Variants in HECW1 observed in about 807,000 individuals in gnomAD.
The protein encoded by HECW1 is HECT, C2 and WW domain containing E3 ubiquitin protein ligase 1, also known as E3 ubiquitin-protein ligase HECW1.
HECW1 carries 61 observed loss-of-function variants against 182.3 expected under a neutral mutation model. That is an observed-to-expected ratio of 0.33 (90% CI 0.27 to 0.41). HECW1 has a LOEUF of 0.41. Ranked by LOEUF, HECW1 falls within the 10% of genes least tolerant of loss-of-function variation. The pLI, the probability that HECW1 is intolerant of heterozygous loss-of-function variation, is 1.00. For synonymous variants in HECW1, 859 were observed against 832.6 expected (o/e 1.03, Z -0.55); for missense variants, 1,739 against 2,108.9 (o/e 0.82, Z 3.44).
intron 24 of HECW1, among the ~76,000 whole-genome samples, chr7:43,517,340 C>A (rs1239168585): frequency 6.6e-6 from 1 of 151,372 alleles, no homozygotes; most frequent in Non-Finnish European, 1.5e-5. Flanking sequence ...GACTCCCCTG[C>A]CCCCTTCTGC....
intron 3 of HECW1, among the ~76,000 whole-genome samples, chr7:43,294,444 A>G (rs1805790225): frequency 6.6e-6 from 1 of 152,176 alleles, no homozygotes; most frequent in Non-Finnish European, 1.5e-5. Flanking sequence ...GAAGTGACTC[A>G]GCCTCCCAGG....
intron 2 of HECW1, among the ~76,000 whole-genome samples, chr7:43,222,415 T>A (rs190175723): frequency 6.6e-6 from 1 of 152,206 alleles, no homozygotes; most frequent in South Asian, 2.1e-4. Flanking sequence ...CAGAAGGTAC[T>A]TTGTATAAGA....
At chr7:43,233,134 T>G (rs1798026391) in intron 2 of HECW1, among the ~76,000 whole-genome samples, 1 of 152,172 alleles carries the variant, frequency 6.6e-6, no homozygotes, top group Non-Finnish European at 1.5e-5. Context: ...GAACCTCTAT[T>G]TCTATGTTCA....
chr7:43,239,110 C>T (rs1387047791), intron 2 of HECW1: 2 of 152,158 alleles, frequency 1.3e-5, no homozygotes, highest in Non-Finnish European at 2.9e-5. Context: ...CAACGTGAGA[C>T]CAGACGGCCA....
chr7:43,511,894 G>A, intron 24 of HECW1: 1 of 186,056 alleles, frequency 5.4e-6, no homozygotes. Flanking sequence ...CTGGCAGTGT[G>A]TGGGTGCTGT....
intron 8 of HECW1, among the ~76,000 whole-genome samples, chr7:43,423,075 A>G (rs1050751869): frequency 6.6e-6 from 1 of 152,260 alleles, no homozygotes; most frequent in Non-Finnish European, 1.5e-5. Context: ...AGATAATTTA[A>G]TCAGACATTA....
chr7:43,407,283 C>T lies in HECW1; in HGVS notation c.632-279C>T, dbSNP rs540931988. ...CTTACTCAGTGAGGCCCACATATAT[C>T]GTGAGACTACAACCCCTATTTTTTT... On this transcript the variant is annotated intron_variant, in intron 7 of 29. Coordinates refer to ENST00000395891, the MANE Select transcript of HECW1 (RefSeq NM_015052.5). Among the ~76,000 whole-genome samples, 18 of 152,232 alleles carry T rather than the reference C, an allele frequency of 1.2e-4. No homozygotes were observed. In the South Asian group the frequency reaches 2.1e-3, roughly 18 times the overall value.
chr7:43,459,544 T>C (rs1306151750), intron 13 of HECW1, among the ~76,000 whole-genome samples: 1 of 136,950 alleles, frequency 7.3e-6, no homozygotes, highest in African/African-American at 2.8e-5. Flanking sequence ...GATGATTTAG[T>C]TTTTTTTTTT....
intron 24 of HECW1, among the ~76,000 whole-genome samples, chr7:43,534,005 T>A (rs915188359): frequency 6.6e-6 from 1 of 152,116 alleles, no homozygotes; most frequent in Non-Finnish European, 1.5e-5. Context: ...CTTGAATCAA[T>A]CCTTAGCAGC....
rs76626240 is a variant in HECW1, at chr7:43,334,678, G to A, written c.460+13936G>A. Reference sequence around the variant, plus strand: ...AAAGAAAAAGGAGAAAGTCATCCTTGTTTTATTGTCATTAGAATGAATGTC... The same window carrying A: ...AAAGAAAAAGGAGAAAGTCATCCTTATTTTATTGTCATTAGAATGAATGTC... On this transcript the variant is annotated intron_variant, in intron 5 of 29. Transcript: ENST00000395891. Among the ~76,000 whole-genome samples, 47 of 152,292 alleles carry A rather than the reference G, an allele frequency of 3.1e-4. No individual in the cohort carries two copies. In the East Asian group the frequency reaches 9.1e-3, roughly 29 times the overall value.
At chr7:43,394,086 G>A (rs1460531120) in intron 6 of HECW1, among the ~76,000 whole-genome samples, 1 of 152,210 alleles carries the variant, frequency 6.6e-6, no homozygotes, top group Non-Finnish European at 1.5e-5. Context: ...TCCTGGTGGT[G>A]CAGTATAGCA....
At position 43,376,608 on chromosome 7, in the gene HECW1, T is replaced by G. The variant is rs140247221; in HGVS notation, c.555+15628T>G. On this transcript the variant is annotated intron_variant, in intron 6 of 29. Transcript: ENST00000395891. ...AGCTCGGCACAGTGGCTTACACCTA[T>G]AATCCCAGCACTTTGGGAGGCCTAG... is the stretch of plus-strand genomic sequence containing the variant. 8.4e-3 allele frequency among the ~76,000 whole-genome samples: 1,282 copies of G among 152,336 alleles called. 9 individuals carry two copies. Among genetic ancestry groups the G allele is most frequent in the Non-Finnish European group, 0.01 (701 of 68,022 alleles).
At chr7:43,209,487 T>C (rs1239739437) in intron 2 of HECW1, among the ~76,000 whole-genome samples, 2 of 152,140 alleles carry the variant, frequency 1.3e-5, no homozygotes, top group Non-Finnish European at 2.9e-5. Context: ...GCGGCTCCTG[T>C]CTCCTCTGTA....
Position 43,427,386 on chromosome 7 carries a change from CT to C in HECW1, c.802-10616del, listed in dbSNP as rs536411394. On this transcript the variant is annotated intron_variant, in intron 8 of 29. Coordinates refer to ENST00000395891, the MANE Select transcript of HECW1 (RefSeq NM_015052.5). ...AGTAAAATTTCTTCACCCTTTTAACCTAGTACTTCTCTTCAGAGCTCTTTTT... is the reference window on the plus strand; with the variant it reads ...AGTAAAATTTCTTCACCCTTTTAACCAGTACTTCTCTTCAGAGCTCTTTTT... 5.9e-5 allele frequency among the ~76,000 whole-genome samples: 9 copies of C among 152,310 alleles called. No homozygotes were observed. The South Asian group carries it at 1.0e-3, about 18-fold the overall frequency.
At chr7:43,152,916 G>A (rs1199576821) in intron 2 of HECW1, among the ~76,000 whole-genome samples, 1 of 152,148 alleles carries the variant, frequency 6.6e-6, no homozygotes, top group Non-Finnish European at 1.5e-5. Context: ...GTGCAATTTA[G>A]TAATGTCCGT....
chr7:43,517,966 G>A (rs968809522), intron 24 of HECW1, among the ~76,000 whole-genome samples: 2 of 152,114 alleles, frequency 1.3e-5, no homozygotes, highest in African/African-American at 4.8e-5. Context: ...TAACTATTTA[G>A]TTAATGATGC....
intron 6 of HECW1, among the ~76,000 whole-genome samples, chr7:43,369,102 G>A (rs1584656995): frequency 6.6e-6 from 1 of 152,254 alleles, no homozygotes; most frequent in East Asian, 1.9e-4. Flanking sequence ...AGGGTTCATG[G>A]CTCCAGAAAG....
chr7:43,246,091 G>A (rs67182723), intron 3 of HECW1, among the ~76,000 whole-genome samples: 40,401 of 151,394 alleles, frequency 0.27, 6,248 homozygotes, highest in African/African-American at 0.43. Flanking sequence ...TTGACGCCAC[G>A]AGTATGAGAC....
At chr7:43,329,929 G>C (rs1237320223) in intron 5 of HECW1, among the ~76,000 whole-genome samples, 1 of 152,180 alleles carries the variant, frequency 6.6e-6, no homozygotes, top group African/African-American at 2.4e-5. Flanking sequence ...TTTTTAATAA[G>C]CATGCCATGT....
Sources: gnomAD v4.1 joint callset for allele counts (sites outside exome capture counted in the v4.1 genomes callset) on GRCh38, gnomAD v4.1.1 for gene constraint, MANE v1.5 for transcripts, NCBI Gene and HGNC (gene_info 2026-07-23, HGNC 2026-07-21) for gene names.